Variants in COLEC12 observed in about 807,000 individuals in gnomAD.
COLEC12 encodes collectin subfamily member 12.
A neutral mutation model predicts 71.1 loss-of-function variants in COLEC12; 33 were observed. That is an observed-to-expected ratio of 0.46 (90% CI 0.35 to 0.62). The LOEUF (loss-of-function observed/expected upper bound fraction) is 0.62, where lower values mean the gene tolerates loss of function less well. Ranked by LOEUF, COLEC12 falls within the 20% of genes least tolerant of loss-of-function variation. The pLI, the probability that COLEC12 is intolerant of heterozygous loss-of-function variation, is 0.00. For synonymous variants in COLEC12, 350 were observed against 353.0 expected (o/e 0.99, Z 0.10); for missense variants, 765 against 916.1 (o/e 0.84, Z 2.13).
chr18:431,565 A>C (rs766830025), intron 2 of COLEC12, among the ~76,000 whole-genome samples: 3 of 152,182 alleles, frequency 2.0e-5, no homozygotes, highest in Non-Finnish European at 4.4e-5. Context: ...GTCTGGGCAA[A>C]TAGGGATGGC....
At chr18:495,850 G>A (rs377251759) in intron 1 of COLEC12, among the ~76,000 whole-genome samples, 30 of 152,168 alleles carry the variant, frequency 2.0e-4, no homozygotes, top group East Asian at 5.8e-4. Context: ...GATCCCCCCC[G>A]CCACCAACTA....
At chr18:452,802 C>T (rs1916788628) in intron 2 of COLEC12, among the ~76,000 whole-genome samples, 1 of 152,212 alleles carries the variant, frequency 6.6e-6, no homozygotes, top group Admixed American at 6.5e-5. Flanking sequence ...CACATCTGTT[C>T]TTCCTGCCAC....
intron 2 of COLEC12, among the ~76,000 whole-genome samples, chr18:395,390 T>G (rs573831238): frequency 1.3e-5 from 2 of 152,116 alleles, no homozygotes; most frequent in South Asian, 4.1e-4. Flanking sequence ...CTCATCCCAT[T>G]TTTGGGAGGC....
intron 2 of COLEC12, among the ~76,000 whole-genome samples, chr18:411,029 T>G (rs868389740): frequency 3.9e-4 from 60 of 152,218 alleles, no homozygotes; most frequent in African/African-American, 1.4e-3. Flanking sequence ...TGCCTACCCA[T>G]AATGGAGCCA....
intron 2 of COLEC12, among the ~76,000 whole-genome samples, chr18:414,613 C>CAAACAAA (rs1200338194): frequency 1.3e-5 from 2 of 152,066 alleles, no homozygotes; most frequent in Non-Finnish European, 2.9e-5. Context: ...AACAAACAAA[C>CAAACAAA]AAACAAAAAA....
At chr18:382,934 T>C (rs1043507564) in intron 2 of COLEC12, among the ~76,000 whole-genome samples, 1 of 152,258 alleles carries the variant, frequency 6.6e-6, no homozygotes, top group African/African-American at 2.4e-5. Context: ...ATTTCTTTTT[T>C]TGTGTGTTGT....
chr18:473,183 C>A (rs1278521970), intron 2 of COLEC12, among the ~76,000 whole-genome samples: 1 of 152,030 alleles, frequency 6.6e-6, no homozygotes, highest in South Asian at 2.1e-4. Flanking sequence ...TTCCTGGGCA[C>A]CACCTCCCCC....
At chr18:437,840 C>G (rs943486839) in intron 2 of COLEC12, among the ~76,000 whole-genome samples, 1 of 152,148 alleles carries the variant, frequency 6.6e-6, no homozygotes, top group African/African-American at 2.4e-5. Flanking sequence ...AACTGAGCTA[C>G]AAATTGTGTA....
chr18:368,213 T>TAC (rs906887472), intron 2 of COLEC12, among the ~76,000 whole-genome samples: 2 of 152,140 alleles, frequency 1.3e-5, no homozygotes, highest in Admixed American at 6.5e-5. Context: ...CATACGTTTG[T>TAC]ACACACACAC....
At position 347,264 on chromosome 18, in the gene COLEC12, G is replaced by A. The variant is rs1224872844; in HGVS notation, c.358C>T (p.Gln120Ter). The change falls in exon 5 of 10, where the codon CAG becomes TAG. Residue 120 changes from glutamine to a stop codon, truncating the protein, a stop_gained. Coordinates refer to ENST00000400256, the MANE Select transcript of COLEC12 (RefSeq NM_130386.3). LOFTEE classifies it high-confidence loss of function. ...TFRSDILDLR[Q>*]QLREITEKTS... is the part of the protein sequence containing the mutation. ...TTTTCTGTAATCTCACGAAGTTGCT[G>A]ACGGAGATCTAGAATGTCTGATCTG... is the stretch of plus-strand genomic sequence containing the variant. The A allele has an allele frequency of 6.2e-7, 1 of 1,614,144 alleles. No individual in the cohort carries two copies. The highest frequency in any genetic ancestry group is 8.5e-7 in the Non-Finnish European group (1 of 1,180,026).
At chr18:457,450 T>G (rs114416228) in intron 2 of COLEC12, among the ~76,000 whole-genome samples, 5,028 of 152,314 alleles carry the variant, frequency 0.033, 147 homozygotes, top group African/African-American at 0.072. Flanking sequence ...AGAATGTCCA[T>G]GTCACATGCT....
chr18:406,936 A>T (rs1428849514), intron 2 of COLEC12, among the ~76,000 whole-genome samples: 3 of 152,268 alleles, frequency 2.0e-5, no homozygotes, highest in Non-Finnish European at 4.4e-5. Context: ...TGCAGTAGGC[A>T]GCTTCACTCC....
At chr18:395,636 G>A (rs143989722) in intron 2 of COLEC12, among the ~76,000 whole-genome samples, 17 of 152,298 alleles carry the variant, frequency 1.1e-4, no homozygotes, top group African/African-American at 3.9e-4. Flanking sequence ...GTTCCGAGGC[G>A]ATTAGAGTCA....
intron 2 of COLEC12, among the ~76,000 whole-genome samples, chr18:478,786 T>G (rs1338110372): frequency 6.6e-6 from 1 of 152,212 alleles, no homozygotes; most frequent in African/African-American, 2.4e-5. Flanking sequence ...CCCATTTTAA[T>G]TTCGTCCTTC....
chr18:345,039 T>C (rs1204145059), intron 5 of COLEC12, among the ~76,000 whole-genome samples: 1 of 152,196 alleles, frequency 6.6e-6, no homozygotes, highest in Non-Finnish European at 1.5e-5. Context: ...GTGGGGGACA[T>C]ACCCCAAGGT....
chr18:349,940 C>G (rs1312097994), intron 3 of COLEC12, among the ~76,000 whole-genome samples: 1 of 152,182 alleles, frequency 6.6e-6, no homozygotes, highest in African/African-American at 2.4e-5. Flanking sequence ...ATTTTACAGG[C>G]TCATAGGCGG....
chr18:496,534 C>T (rs1917716337), intron 1 of COLEC12, among the ~76,000 whole-genome samples: 1 of 152,094 alleles, frequency 6.6e-6, no homozygotes, highest in Non-Finnish European at 1.5e-5. Context: ...AATGCAATTG[C>T]CTTTATAGGC....
chr18:338,626 C>T (rs537894792), intron 5 of COLEC12, among the ~76,000 whole-genome samples: 2 of 152,060 alleles, frequency 1.3e-5, no homozygotes, highest in East Asian at 3.9e-4. Flanking sequence ...TAGTAAAGAT[C>T]GGGAAGGTAG....
At chr18:438,216 G>T (rs1394063370) in intron 2 of COLEC12, among the ~76,000 whole-genome samples, 1 of 152,166 alleles carries the variant, frequency 6.6e-6, no homozygotes, top group Non-Finnish European at 1.5e-5. Context: ...AAGTCAAAGT[G>T]CCAGCATAAA....
Sources: allele counts gnomAD v4.1 joint callset (sites outside exome capture counted in the v4.1 genomes callset), GRCh38; gene constraint gnomAD v4.1.1; transcripts MANE v1.5; gene names NCBI Gene and HGNC (gene_info 2026-07-23, HGNC 2026-07-21).